The following ERG variants were observed in gnomAD, a reference collection of about 807,000 sequenced individuals.
ERG encodes the protein transcriptional regulator ERG.
A neutral mutation model predicts 55.3 loss-of-function variants in ERG; 9 were observed. The observed-to-expected ratio is 0.16, with a 90% confidence interval of 0.10 to 0.28. The LOEUF (loss-of-function observed/expected upper bound fraction) is 0.28. Ranked by LOEUF, ERG falls within the 10% of genes least tolerant of loss-of-function variation. The pLI is 1.00. For synonymous variants in ERG, 223 were observed against 237.3 expected, an observed-to-expected ratio of 0.94 and a Z score of 0.55; for missense variants, 434 against 631.6, an observed-to-expected ratio of 0.69 and a Z score of 3.35.
chr21:38,660,302 T>G (rs997450330), intron 1 of ERG, among the ~76,000 whole-genome samples: 2 of 152,054 alleles, frequency 1.3e-5, no homozygotes. Flanking sequence ...AATTTCGGGG[T>G]GCCCCCTCCT....
chr21:38,528,597 G>A (rs1362615138), intron 2 of ERG, among the ~76,000 whole-genome samples: 4 of 94,168 alleles, frequency 4.2e-5, no homozygotes, highest in African/African-American at 1.4e-4. Flanking sequence ...ACAGGCACCC[G>A]CCACTACGCC....
intron 2 of ERG, among the ~76,000 whole-genome samples, chr21:38,519,728 A>G (rs1365133061): frequency 1.3e-5 from 2 of 152,198 alleles, no homozygotes; most frequent in Non-Finnish European, 2.9e-5. Context: ...TATTTAATAC[A>G]TGTACAATAG....
chr21:38,509,468 T>C (rs538351626), intron 2 of ERG, among the ~76,000 whole-genome samples: 1 of 152,304 alleles, frequency 6.6e-6, no homozygotes, highest in Non-Finnish European at 1.5e-5. Flanking sequence ...AGAAAGGACA[T>C]AAGAAGGGAA....
intron 9 of ERG, among the ~76,000 whole-genome samples, chr21:38,390,659 C>T (rs551061141): frequency 3.3e-5 from 5 of 152,278 alleles, no homozygotes; most frequent in East Asian, 1.9e-4. Context: ...TGAGAAGGAA[C>T]GAAACCTGCC....
chr21:38,370,062 C>A, the ERG span, among the ~76,000 whole-genome samples: 1 of 152,138 alleles, frequency 6.6e-6, no homozygotes, highest in Non-Finnish European at 1.5e-5. Flanking sequence ...GTGATGCCTT[C>A]AGCTTTGTTC....
At chr21:38,432,333 A>G (rs956233027) in intron 2 of ERG, among the ~76,000 whole-genome samples, 2 of 152,110 alleles carry the variant, frequency 1.3e-5, no homozygotes, top group African/African-American at 4.8e-5. Context: ...TCCTCAAGCA[A>G]TCCTCCCACC....
Position 38,462,447 on chromosome 21 carries a change from C to T in ERG, c.19-16826G>A, listed in dbSNP as rs190463551. 2.0e-4 allele frequency among the ~76,000 whole-genome samples: 30 copies of T among 152,140 alleles called. No homozygotes were observed. In the East Asian group the frequency reaches 3.1e-3, roughly 16 times the overall value. On this transcript the variant is annotated intron_variant, in intron 1 of 9. Coordinates refer to ENST00000288319, the MANE Select transcript of ERG (RefSeq NM_182918.4). ...AGACCAAAAGATTAAGAATCACTGC[C>T]GTCGAGGTTTTAAGCTTGGCTAGGA...
chr21:38,413,929 C>T (rs1030428919), intron 3 of ERG, among the ~76,000 whole-genome samples: 5 of 152,154 alleles, frequency 3.3e-5, no homozygotes, highest in Non-Finnish European at 5.9e-5. Flanking sequence ...TTCTTATTTG[C>T]TCTCATGTTT....
At chr21:38,554,572 CG>C (rs1247137612) in intron 2 of ERG, among the ~76,000 whole-genome samples, 1 of 152,032 alleles carries the variant, frequency 6.6e-6, no homozygotes, top group Non-Finnish European at 1.5e-5. Flanking sequence ...AACACAGGAG[CG>C]GAAAACCAAA....
At chr21:38,403,743 T>C in intron 3 of ERG, 34 bp from the exon 4 acceptor site, 3 of 1,598,690 alleles carry the variant, frequency 1.9e-6, no homozygotes, top group Non-Finnish European at 2.6e-6. Flanking sequence ...AGTCAATTCC[T>C]GAAGCCAGGG....
rs746904224 is a variant in ERG at position 38,445,115 on chromosome 21, C to CCTTT, written c.236+285_236+288dup. Among the ~76,000 whole-genome samples, 400 of 151,156 alleles carry CCTTT rather than the reference C, an allele frequency of 2.6e-3. 13 individuals are homozygous for CCTTT. Among genetic ancestry groups the CCTTT allele is most frequent in the Non-Finnish European group, 9.6e-4 (65 of 67,848 alleles). ...GCTGTCCAACGTCACCGTTCAATGG[C>CCTTT]CTTTCTTTCTTTCTTTCTTCTTCTT... is the stretch of plus-strand genomic sequence containing the variant. On this transcript the variant is annotated intron_variant, in intron 2 of 9. Transcript: ENST00000288319.
chr21:38,541,644 T>G (rs965810696), intron 2 of ERG, among the ~76,000 whole-genome samples: 3 of 152,206 alleles, frequency 2.0e-5, no homozygotes, highest in African/African-American at 7.2e-5. Context: ...TACCTCAAAT[T>G]TATTTCAAAA....
intron 1 of ERG, among the ~76,000 whole-genome samples, chr21:38,639,119 C>T (rs543147425): frequency 1.3e-5 from 2 of 152,146 alleles, no homozygotes; most frequent in East Asian, 3.9e-4. Flanking sequence ...GAAAGAGCTA[C>T]TTAGACAGTC....
chr21:38,653,599 C>T (rs1425421006), intron 1 of ERG, among the ~76,000 whole-genome samples: 1 of 152,186 alleles, frequency 6.6e-6, no homozygotes, highest in East Asian at 1.9e-4. Context: ...TTTTGTTTAC[C>T]TGTTAACACA....
intron 6 of ERG, among the ~76,000 whole-genome samples, 192 bp from the exon 7 acceptor site, chr21:38,392,636 T>C (rs185839560): frequency 1.1e-3 from 164 of 152,316 alleles, no homozygotes; most frequent in Middle Eastern, 3.4e-3. Context: ...GGTCTAAAAT[T>C]CTCACCCGTT....
chr21:38,520,751 A>G (rs1309590280), intron 2 of ERG, among the ~76,000 whole-genome samples: 1 of 152,226 alleles, frequency 6.6e-6, no homozygotes, highest in African/African-American at 2.4e-5. Context: ...CGAAAAAAGA[A>G]CAATCAGAGA....
At chr21:38,481,602 T>C (rs915409208) in intron 1 of ERG, among the ~76,000 whole-genome samples, 3 of 152,258 alleles carry the variant, frequency 2.0e-5, no homozygotes, top group Non-Finnish European at 4.4e-5. Flanking sequence ...ATCTTTATTA[T>C]AAAGCAGATC....
intron 1 of ERG, among the ~76,000 whole-genome samples, chr21:38,614,792 C>T (rs553817671): frequency 5.9e-5 from 9 of 152,198 alleles, no homozygotes; most frequent in Non-Finnish European, 1.2e-4. Flanking sequence ...GCATGGTCAG[C>T]GTGGCCTCAG....
chr21:38,462,654 C>T (rs2059054123), intron 1 of ERG, among the ~76,000 whole-genome samples: 1 of 152,274 alleles, frequency 6.6e-6, no homozygotes, highest in Admixed American at 6.5e-5. Context: ...TCCAAGACTG[C>T]ACATGGTGAT....
Sources: allele counts gnomAD v4.1 joint callset (sites outside exome capture counted in the v4.1 genomes callset), GRCh38; gene constraint gnomAD v4.1.1; transcripts MANE v1.5; gene names NCBI Gene and HGNC (gene_info 2026-07-23, HGNC 2026-07-21).